The following ROBO4 variants were observed in gnomAD, a reference collection of about 807,000 sequenced individuals.
The protein encoded by ROBO4 is roundabout guidance receptor 4.
In ROBO4, 80 loss-of-function variants were observed where a neutral mutation model predicts 103.3. That is an observed-to-expected ratio of 0.77 (90% CI 0.65 to 0.93). ROBO4 has a LOEUF of 0.93. ROBO4 is among the 40% of genes least tolerant of loss of function. The pLI, the probability that ROBO4 is intolerant of heterozygous loss-of-function variation, is 0.00. For missense variants in ROBO4, 1,333 were observed against 1,305.3 expected (o/e 1.02, Z -0.33); for synonymous variants, 504 against 529.7 (o/e 0.95, Z 0.67).
At position 124,884,716 on chromosome 11, in the gene ROBO4, A is replaced by C; in HGVS notation, c.*175T>G. On this transcript the variant is annotated 3_prime_UTR_variant, in exon 18 of 18. Coordinates refer to ENST00000306534, the MANE Select transcript of ROBO4 (RefSeq NM_019055.6). ...GAGGGCTCCAGGTCAGCTTTGCTCT[A>C]ATTTTGTTTTCATTTGTTTTCACAA... 1 of 735,820 alleles carries C rather than the reference A, an allele frequency of 1.4e-6. No individual in the cohort carries two copies. Among genetic ancestry groups the C allele is most frequent in the Non-Finnish European group, 2.3e-6 (1 of 429,032 alleles). 45.6% of individuals were successfully genotyped at this position (735,820 alleles called of 1,614,324 possible).
chr11:124,896,150 A>T lies in ROBO4; in HGVS notation c.679+48T>A, dbSNP rs546612657. 1.1e-5 allele frequency: 17 copies of T among 1,604,898 alleles called. 1 individual carries two copies. The South Asian group carries it at 1.9e-4, about 18-fold the overall frequency. ...GCCCAAACCAGAATACACCACCCCA[A>T]CTGGAGCCTGCAGCCTGGCTCTGAT... On this transcript the variant is annotated intron_variant, in intron 4 of 17. Transcript: ENST00000306534.
In ROBO4 at chr11:124,885,176, A is replaced by G. The variant is rs142085681; in HGVS notation, c.2866T>C (p.Trp956Arg). The change falls in exon 17 of 18, where the codon TGG (tryptophan) becomes CGG (arginine). Residue 956 changes from tryptophan (W) to arginine (R), a missense_variant. Physicochemically the swap from Trp to Arg is moderately radical, Grantham distance 101. Transcript: ENST00000306534. ...ATGTCTTCCAACCAGTCTGGCCTCCACTCCCACAGGGGCAGGGAGAGGTTG... is the reference window on the plus strand; with the variant it reads ...ATGTCTTCCAACCAGTCTGGCCTCCGCTCCCACAGGGGCAGGGAGAGGTTG... ...TPNLSLPLWEWRPDWLEDMEV... is the reference protein window; with the variant it reads ...TPNLSLPLWERRPDWLEDMEV... 25 of 1,613,564 alleles carry G rather than the reference A, an allele frequency of 1.5e-5. No homozygotes were observed. Among genetic ancestry groups the G allele is most frequent in the Non-Finnish European group, 2.1e-5 (25 of 1,179,966 alleles).
At chr11:124,892,119 A>G (rs1459743453) in intron 10 of ROBO4, 1 of 557,552 alleles carries the variant, frequency 1.8e-6, no homozygotes, top group Admixed American at 2.2e-5. Flanking sequence ...TCTATCTGTC[A>G]CAGCTTAGCT....
In ROBO4 at chr11:124,886,608, T is replaced by A. The variant is rs1946717053; in HGVS notation, c.2650A>T (p.Asn884Tyr). ...ANGWGSASED[N>Y]AASARASLVS... is the part of the protein sequence containing the mutation. ...AGGCTGGCTCTGGCGCTGGCGGCATTGTCCTCAGAGGCTGAGCCCCAACCA... is the reference window on the plus strand; with the variant it reads ...AGGCTGGCTCTGGCGCTGGCGGCATAGTCCTCAGAGGCTGAGCCCCAACCA... The change falls in exon 16 of 18, where the codon AAT becomes TAT. Residue 884 changes from asparagine (N) to tyrosine (Y), a missense_variant. Coordinates refer to ENST00000306534, the MANE Select transcript of ROBO4 (RefSeq NM_019055.6). 1 of 1,614,048 alleles carries A rather than the reference T, an allele frequency of 6.2e-7. No homozygotes were observed. Among genetic ancestry groups the A allele is most frequent in the Non-Finnish European group, 8.5e-7 (1 of 1,180,028 alleles).
rs772753806 is a variant in ROBO4 at position 124,891,570 on chromosome 11, A to T, written c.1685-8T>A. ...GGGAGTCCCAGGAGAGCACTGTGAC[A>T]TAAATGACAGGAGGAATTATGGTGA... On this transcript the variant is annotated splice_region_variant and splice_polypyrimidine_tract_variant and intron_variant, in intron 11 of 17. Coordinates refer to ENST00000306534, the MANE Select transcript of ROBO4 (RefSeq NM_019055.6). 6.2e-7 allele frequency: 1 copy of T among 1,614,228 alleles called. No homozygotes were observed. The highest frequency in any genetic ancestry group is 8.5e-7 in the Non-Finnish European group (1 of 1,180,032).
At position 124,896,625 on chromosome 11, in the gene ROBO4, A is replaced by G; in HGVS notation, c.446T>C (p.Val149Ala). 3.1e-6 allele frequency: 5 copies of G among 1,614,048 alleles called. No individual in the cohort carries two copies. Among genetic ancestry groups the G allele is most frequent in the Non-Finnish European group, 4.2e-6 (5 of 1,179,972 alleles). The change falls in exon 3 of 18, where the codon GTG (valine) becomes GCG (alanine). Residue 149 changes from valine (V) to alanine (A), a missense_variant. Coordinates refer to ENST00000306534, the MANE Select transcript of ROBO4 (RefSeq NM_019055.6). ...TTCCAGAGTAAACTGCTCACCCACC[A>G]CAGCCACCATGTCCCGAGGCTGGAT... ...FQIQPRDMVA[V>A]VGEQFTLECG...
rs1449237165 is a variant in ROBO4, at chr11:124,895,827, T to C, written c.765A>G (p.Ala255=). The C allele has an allele frequency of 6.2e-7, 1 of 1,614,064 alleles. No individual in the cohort carries two copies. Among genetic ancestry groups the C allele is most frequent in the African/African-American group, 1.3e-5 (1 of 74,926 alleles). Residue 255 remains alanine (A), a synonymous_variant, in exon 5 of 18, where the codon GCA becomes GCG. Transcript: ENST00000306534. ...ENVTLLNPDP[A]EGPKPRPAVW... is the part of the protein sequence containing the mutation. ...CCGCCGGTCTAGGCTTGGGGCCCTC[T>C]GCAGGATCCGGGTTCAGCAGTGTCA...
chr11:124,897,627 C>T (rs528777084), intron 1 of ROBO4, 99 bp downstream of exon 1: 3 of 984,666 alleles, frequency 3.0e-6, no homozygotes, highest in East Asian at 2.4e-5. Context: ...ATCTCTGGTC[C>T]CCCCACTGCA....
At chr11:124,893,644 C>G (rs1295488756) in intron 10 of ROBO4, 44 bp downstream of exon 10, 39 of 1,592,798 alleles carry the variant, frequency 2.4e-5, no homozygotes, top group Non-Finnish European at 3.3e-5. Flanking sequence ...TCCACTGTCC[C>G]TTGCCACCCT....
chr11:124,891,730 G>A lies in ROBO4; in HGVS notation c.1620C>T (p.Ser540=). The A allele has an allele frequency of 6.2e-7, 1 of 1,614,210 alleles. No individual in the cohort carries two copies. The highest frequency in any genetic ancestry group is 8.5e-7 in the Non-Finnish European group (1 of 1,180,036). The stretch of plus-strand genomic sequence containing the variant: ...CCAGCCGACTGCTGAGGCTGCTGCT[G>A]CTGCTCAGGTCCCGAGAGCCAGAGG... ...RSTSGSRDLS[S]SSSLSSRLGA... Residue 540 remains serine, a synonymous_variant, in exon 11 of 18, where the codon AGC becomes AGT. Coordinates refer to ENST00000306534, the MANE Select transcript of ROBO4 (RefSeq NM_019055.6).
In ROBO4 at chr11:124,885,083, A is replaced by G. The variant is rs768822433; in HGVS notation, c.2959T>C (p.Ser987Pro). 6.2e-7 allele frequency: 1 copy of G among 1,614,154 alleles called. No individual in the cohort carries two copies. The highest frequency in any genetic ancestry group is 1.1e-5 in the South Asian group (1 of 91,078). Residue 987 changes from serine to proline, a missense_variant, in exon 17 of 18, where the codon TCC becomes CCC. Coordinates refer to ENST00000306534, the MANE Select transcript of ROBO4 (RefSeq NM_019055.6). Reference protein sequence around the residue: ...PPWPPDSQISSQRSQLHCRMP... With the variant: ...PPWPPDSQISPQRSQLHCRMP... ...CGACAGTGGAGCTGACTTCTCTGGGAAGAGATCTGAGAGTCAGGGGGCCAG... is the reference window on the plus strand; with the variant it reads ...CGACAGTGGAGCTGACTTCTCTGGGGAGAGATCTGAGAGTCAGGGGGCCAG...
chr11:124,891,512 T>C lies in ROBO4; in HGVS notation c.1735A>G (p.Ser579Gly). 6.2e-7 allele frequency: 1 copy of C among 1,614,144 alleles called. No individual in the cohort carries two copies. The highest frequency in any genetic ancestry group is 8.5e-7 in the Non-Finnish European group (1 of 1,180,006). The change falls in exon 12 of 18, where the codon AGC (serine) becomes GGC (glycine). Residue 579 changes from serine to glycine, a missense_variant. Ser to Gly is a moderately conservative substitution (Grantham distance 56). Coordinates refer to ENST00000306534, the MANE Select transcript of ROBO4 (RefSeq NM_019055.6). ...SPGVPLLPDT[S>G]TFYGSLIAEL... ...GCGATGAGGGAGCCATAAAAAGTGC[T>C]GGTGTCTGGAAGCAGGGGCACGCCG...
Position 124,891,476 on chromosome 11 carries a change from A to C in ROBO4, c.1771T>G (p.Ser591Ala). Residue 591 changes from serine to alanine, a missense_variant, in exon 12 of 18, where the codon TCC (serine) becomes GCC (alanine). Coordinates refer to ENST00000306534, the MANE Select transcript of ROBO4 (RefSeq NM_019055.6). ...FYGSLIAELP[S>A]STPARPSPQV... ...GGACTTGGCCTGGCTGGGGTACTGG[A>C]GGGCAGCTCAGCGATGAGGGAGCCA... 6.2e-7 allele frequency: 1 copy of C among 1,612,716 alleles called. No homozygotes were observed.
intron 8 of ROBO4, 42 bp from the exon 9 acceptor site, chr11:124,894,087 A>T: frequency 6.5e-7 from 1 of 1,543,962 alleles, no homozygotes; most frequent in Non-Finnish European, 8.7e-7. Flanking sequence ...GAGTCGAGGC[A>T]TTGAGGGCCT....
In ROBO4 at chr11:124,886,563, A is replaced by C; in HGVS notation, c.2695T>G (p.Ser899Ala). ...RASLVSSSDG[S>A]FLADAHFARA... ...GCAAAGTGAGCATCAGCGAGGAAGG[A>C]GCCATCGGAGGAGCTGACAAGGCTG... The change falls in exon 16 of 18, where the codon TCC becomes GCC. Residue 899 changes from serine to alanine, a missense_variant. Transcript: ENST00000306534. 6.2e-7 allele frequency: 1 copy of C among 1,614,188 alleles called. No homozygotes were observed. The highest frequency in any genetic ancestry group is 1.7e-5 in the Admixed American group (1 of 60,032).
At position 124,886,817 on chromosome 11, in the gene ROBO4, C is replaced by T; in HGVS notation, c.2441G>A (p.Ser814Asn). The change falls in exon 16 of 18, where the codon AGC becomes AAC. Residue 814 changes from serine to asparagine, a missense_variant. Physicochemically the swap from Ser to Asn is conservative, Grantham distance 46 (BLOSUM62 1). Transcript: ENST00000306534. ...LSEGEETPRN[S>N]VSPMPRAPSP... is the part of the protein sequence containing the mutation. ...AGGAGCCCTTGGCATGGGAGAGACGCTGTTCCTAGGGAGAGGCAAAAGGGG... is the reference window on the plus strand; with the variant it reads ...AGGAGCCCTTGGCATGGGAGAGACGTTGTTCCTAGGGAGAGGCAAAAGGGG... The T allele has an allele frequency of 6.5e-7, 1 of 1,534,308 alleles. No homozygotes were observed. Among genetic ancestry groups the T allele is most frequent in the Non-Finnish European group, 8.8e-7 (1 of 1,138,898 alleles).
At chr11:124,885,977 T>C (rs1565321069) in intron 16 of ROBO4, among the ~76,000 whole-genome samples, 1 of 152,034 alleles carries the variant, frequency 6.6e-6, no homozygotes, top group Non-Finnish European at 1.5e-5. Flanking sequence ...TCACTTGAGG[T>C]CAGGAGTTCA....
intron 1 of ROBO4, 56 bp downstream of exon 1, chr11:124,897,670 G>T (rs369446957): frequency 6.2e-4 from 950 of 1,530,374 alleles, no homozygotes; most frequent in Non-Finnish European, 8.2e-4. Context: ...GGCCCCTTCT[G>T]CCCTGAGCAG....
At chr11:124,894,425 C>T in intron 7 of ROBO4, 56 bp from the exon 8 acceptor site, 1 of 1,545,184 alleles carries the variant, frequency 6.5e-7, no homozygotes, top group African/African-American at 1.4e-5. Flanking sequence ...GAAGCCAAGC[C>T]CTTTATCTGC....
Sources: gnomAD v4.1 joint callset for allele counts (sites outside exome capture counted in the v4.1 genomes callset) on GRCh38, gnomAD v4.1.1 for gene constraint, MANE v1.5 for transcripts, NCBI Gene and HGNC (gene_info 2026-07-23, HGNC 2026-07-21) for gene names.